NKAIN2: variants seen among roughly 807,000 people sequenced by gnomAD.
NKAIN2 encodes the protein sodium/potassium transporting ATPase interacting 2.
A neutral mutation model predicts 32.6 loss-of-function variants in NKAIN2; 14 were observed. That is an observed-to-expected ratio of 0.43 (90% CI 0.28 to 0.67). The LOEUF is 0.67. Ranked by LOEUF, NKAIN2 falls within the 30% of genes least tolerant of loss-of-function variation. NKAIN2 has a pLI of 0.17. For missense variants in NKAIN2, 198 were observed against 258.3 expected (o/e 0.77, Z 1.60); for synonymous variants, 80 against 87.2 (o/e 0.92, Z 0.46).
rs148940333 is a variant in NKAIN2, at chr6:124,765,298, A to C, written c.475-26041A>C. Reference sequence around the variant, plus strand: ...TGCTGAAATTCCAATGGCTTTATCAAATGAGACCCTGACCAGGTTTTCCAA... The same window carrying C: ...TGCTGAAATTCCAATGGCTTTATCACATGAGACCCTGACCAGGTTTTCCAA... On this transcript the variant is annotated intron_variant, in intron 4 of 6. Transcript: ENST00000368417. Among the ~76,000 whole-genome samples, 13 of 152,338 alleles carry C rather than the reference A, an allele frequency of 8.5e-5. No homozygotes were observed. The East Asian group carries it at 1.7e-3, about 20-fold the overall frequency.
intron 2 of NKAIN2, among the ~76,000 whole-genome samples, chr6:124,289,780 C>T (rs1795716753): frequency 6.6e-6 from 1 of 152,102 alleles, no homozygotes; most frequent in East Asian, 1.9e-4. Context: ...AATTTTTGCA[C>T]TCCTACAAGT....
chr6:124,748,781 G>C (rs1021664482), intron 4 of NKAIN2, among the ~76,000 whole-genome samples: 2 of 151,294 alleles, frequency 1.3e-5, no homozygotes, highest in Admixed American at 1.3e-4. Context: ...TGAAAATATT[G>C]ATTAAATCTT....
chr6:124,217,773 A>G (rs536258306), intron 1 of NKAIN2, among the ~76,000 whole-genome samples: 1 of 118,610 alleles, frequency 8.4e-6, no homozygotes, highest in South Asian at 3.8e-4. Flanking sequence ...AGATATATGT[A>G]TATATATATA....
At chr6:123,815,888 C>G (rs1038964156) in intron 1 of NKAIN2, among the ~76,000 whole-genome samples, 1 of 151,826 alleles carries the variant, frequency 6.6e-6, no homozygotes, top group African/African-American at 2.4e-5. Flanking sequence ...GGAATAGAAC[C>G]AAACTGACCT....
At chr6:124,797,821 C>A (rs1277594567) in intron 5 of NKAIN2, among the ~76,000 whole-genome samples, 1 of 152,086 alleles carries the variant, frequency 6.6e-6, no homozygotes, top group African/African-American at 2.4e-5. Context: ...GACATGGGAG[C>A]AGGGAAAACT....
intron 4 of NKAIN2, among the ~76,000 whole-genome samples, chr6:124,711,638 C>T (rs1023483670): frequency 7.3e-5 from 11 of 151,004 alleles, no homozygotes; most frequent in Non-Finnish European, 1.2e-4. Flanking sequence ...GCATTCTTCA[C>T]GTAGTTCTCG....
chr6:123,910,881 A>T (rs760936114), intron 1 of NKAIN2, among the ~76,000 whole-genome samples: 1 of 152,052 alleles, frequency 6.6e-6, no homozygotes, highest in Admixed American at 6.6e-5. Flanking sequence ...AGAAAATAAC[A>T]TTTAGATTGA....
intron 2 of NKAIN2, among the ~76,000 whole-genome samples, chr6:124,297,922 T>C (rs1298648113): frequency 6.6e-6 from 1 of 152,212 alleles, no homozygotes; most frequent in African/African-American, 2.4e-5. Context: ...ATGCATCTGC[T>C]TTTATACAAG....
At chr6:123,983,977 G>A (rs551474318) in intron 1 of NKAIN2, among the ~76,000 whole-genome samples, 3 of 152,008 alleles carry the variant, frequency 2.0e-5, no homozygotes, top group South Asian at 2.1e-4. Context: ...GCACAATCTC[G>A]GCTCACTGCA....
intron 4 of NKAIN2, among the ~76,000 whole-genome samples, chr6:124,737,218 G>A (rs1350302342): frequency 6.6e-6 from 1 of 151,822 alleles, no homozygotes; most frequent in African/African-American, 2.4e-5. Flanking sequence ...ATGTGTCATG[G>A]GAAGGATGCG....
At chr6:124,075,736 C>T (rs1783667695) in intron 1 of NKAIN2, among the ~76,000 whole-genome samples, 1 of 152,144 alleles carries the variant, frequency 6.6e-6, no homozygotes, top group Non-Finnish European at 1.5e-5. Context: ...GCTGGGATTA[C>T]AGGCACCCAC....
chr6:123,910,499 G>GTTTTTTTTTTTTTTTTT lies in NKAIN2; in HGVS notation c.54+106252_54+106268dup, dbSNP rs35165515. Among the ~76,000 whole-genome samples the GTTTTTTTTTTTTTTTTT allele has an allele frequency of 1.5e-4, 12 of 81,320 alleles. 1 individual carries two copies. Among genetic ancestry groups the GTTTTTTTTTTTTTTTTT allele is most frequent in the African/African-American group, 5.0e-4 (10 of 19,928 alleles). 53.3% of individuals were successfully genotyped at this position (81,320 alleles called of 152,430 possible). Reference sequence around the variant, plus strand: ...TTTGAGGACATTACCTGCAATGCATGTTTTTTTTTTTTTTTTTTTTTTTGA... The same window carrying GTTTTTTTTTTTTTTTTT: ...TTTGAGGACATTACCTGCAATGCATGTTTTTTTTTTTTTTTTTTTTTTTTTTTTTTTTTTTTTTTTGA... On this transcript the variant is annotated intron_variant, in intron 1 of 6. Transcript: ENST00000368417.
At chr6:124,734,816 C>T (rs1776858713) in intron 4 of NKAIN2, among the ~76,000 whole-genome samples, 1 of 151,866 alleles carries the variant, frequency 6.6e-6, no homozygotes, top group East Asian at 1.9e-4. Context: ...GTCATTACAG[C>T]TTATGATCCT....
chr6:124,711,222 C>T (rs1391529982), intron 4 of NKAIN2, among the ~76,000 whole-genome samples: 15 of 117,884 alleles, frequency 1.3e-4, no homozygotes, highest in African/African-American at 4.9e-4. Context: ...ATGGGCTTCC[C>T]TTTGAGGGTA....
At chr6:123,891,836 A>G (rs1035064803) in intron 1 of NKAIN2, among the ~76,000 whole-genome samples, 1 of 152,222 alleles carries the variant, frequency 6.6e-6, no homozygotes, top group Non-Finnish European at 1.5e-5. Flanking sequence ...TGAAAGAAAT[A>G]AAGAATAGAT....
intron 3 of NKAIN2, among the ~76,000 whole-genome samples, chr6:124,413,934 T>A (rs1774341299): frequency 6.6e-6 from 1 of 152,098 alleles, no homozygotes. Flanking sequence ...TTTTTGTAGA[T>A]CTATGGGATT....
intron 4 of NKAIN2, among the ~76,000 whole-genome samples, chr6:124,695,048 C>G (rs750830342): frequency 3.3e-5 from 5 of 151,766 alleles, no homozygotes; most frequent in Admixed American, 6.6e-5. Flanking sequence ...CCTCTTCCTC[C>G]TTGTTTTTTT....
chr6:124,721,307 G>T (rs1376207288), intron 4 of NKAIN2, among the ~76,000 whole-genome samples: 2 of 151,444 alleles, frequency 1.3e-5, no homozygotes, highest in Non-Finnish European at 2.9e-5. Context: ...GGGAGGCTGA[G>T]GCAGGAGAAT....
At chr6:124,227,323 G>A (rs760691139) in intron 1 of NKAIN2, among the ~76,000 whole-genome samples, 53 of 152,052 alleles carry the variant, frequency 3.5e-4, no homozygotes, top group Non-Finnish European at 6.9e-4. Flanking sequence ...TCTATGAAAT[G>A]GTTCATGGGT....
Sources: gnomAD v4.1 joint callset for allele counts (sites outside exome capture counted in the v4.1 genomes callset) on GRCh38, gnomAD v4.1.1 for gene constraint, MANE v1.5 for transcripts, NCBI Gene and HGNC (gene_info 2026-07-23, HGNC 2026-07-21) for gene names.